NFATC3: variants seen among roughly 807,000 people sequenced by gnomAD.
The protein encoded by NFATC3 is nuclear factor of activated T-cells, cytoplasmic 3.
A neutral mutation model predicts 98.6 loss-of-function variants in NFATC3; 46 were observed. The observed-to-expected ratio is 0.47, with a 90% CI of 0.37 to 0.60. NFATC3 has a LOEUF of 0.60. NFATC3 is among the 20% of genes least tolerant of loss of function. The probability of loss-of-function intolerance (pLI) is 0.00; values close to 1 mark genes in which losing one functional copy is unlikely to be tolerated. For missense variants in NFATC3, 1,256 were observed against 1,295.5 expected (o/e 0.97, Z 0.47); for synonymous variants, 512 against 472.2 (o/e 1.08, Z -1.09).
Position 68,228,662 on chromosome 16 carries a change from CT to C in NFATC3, c.*2194del, listed in dbSNP as rs3833060. Reference sequence around the variant, plus strand: ...GGTGTTAAGAGTCAATATTTTTTGGCTTTGTAGATAAAGACTTAAATTTTTG... The same window carrying C: ...GGTGTTAAGAGTCAATATTTTTTGGCTTGTAGATAAAGACTTAAATTTTTG... On this transcript the variant is annotated 3_prime_UTR_variant, in exon 10 of 10. Transcript: ENST00000346183. 1 of 152,648 alleles carries C rather than the reference CT, an allele frequency of 6.6e-6. No homozygotes were observed. The highest frequency in any genetic ancestry group is 1.9e-4 in the East Asian group (1 of 5,192). 9.5% of individuals were successfully genotyped at this position (152,648 alleles called of 1,614,324 possible). A position where few individuals can be genotyped will look rare whatever the true frequency, so the allele number is the denominator to read the frequency against.
chr16:68,101,480 T>G (rs1473860411), intron 1 of NFATC3, among the ~76,000 whole-genome samples: 3 of 149,734 alleles, frequency 2.0e-5, no homozygotes, highest in Non-Finnish European at 3.0e-5. Context: ...AGTTTTAGGT[T>G]TTTTTTTTTG....
intron 4 of NFATC3, among the ~76,000 whole-genome samples, chr16:68,159,770 A>G (rs894865829): frequency 6.6e-6 from 1 of 151,804 alleles, no homozygotes; most frequent in South Asian, 2.1e-4. Context: ...AGGCTATTGC[A>G]AGAACAGTCC....
Position 68,194,017 on chromosome 16 carries a change from T to C in NFATC3, c.3106+2242T>C, listed in dbSNP as rs551276922. ...GTCATTTGTGTGTAAACAGAAGGTATATGTGTAAACTAGAGCAACACCTAA... is the reference window on the plus strand; with the variant it reads ...GTCATTTGTGTGTAAACAGAAGGTACATGTGTAAACTAGAGCAACACCTAA... On this transcript the variant is annotated intron_variant, in intron 9 of 9. Transcript: ENST00000346183. Among the ~76,000 whole-genome samples the C allele has an allele frequency of 2.0e-5, 3 of 152,310 alleles. No individual in the cohort carries two copies. In the South Asian group the frequency reaches 6.2e-4, roughly 32 times the overall value.
At chr16:68,161,070 G>A (rs1445022192) in intron 4 of NFATC3, among the ~76,000 whole-genome samples, 1 of 152,166 alleles carries the variant, frequency 6.6e-6, no homozygotes, top group East Asian at 1.9e-4. Context: ...AAACTTTCTT[G>A]AGGAAAAATA....
rs2036623636 is a variant in NFATC3 at position 68,122,615 on chromosome 16, T to A, written c.732T>A (p.Ser244=). The A allele has an allele frequency of 1.2e-6, 2 of 1,613,968 alleles. No individual in the cohort carries two copies. Among genetic ancestry groups the A allele is most frequent in the African/African-American group, 1.3e-5 (1 of 74,892 alleles). The change falls in exon 2 of 10, where the codon TCT becomes TCA. Residue 244 remains serine (S), a synonymous_variant. Transcript: ENST00000346183. The part of the protein sequence containing the change: ...SLSPRQSPCH[S]PRSSVTDENW... ...CACCCAGGCAATCTCCTTGCCACTC[T>A]CCTAGATCCAGTGTCACTGATGAGA...
intron 9 of NFATC3, among the ~76,000 whole-genome samples, chr16:68,219,636 CT>C (rs1187378770): frequency 2.0e-5 from 3 of 152,056 alleles, no homozygotes; most frequent in African/African-American, 7.2e-5. Flanking sequence ...GGATGAATAC[CT>C]TTAATCTTCA....
chr16:68,108,982 G>A (rs1361638807), intron 1 of NFATC3, among the ~76,000 whole-genome samples: 1 of 152,094 alleles, frequency 6.6e-6, no homozygotes, highest in African/African-American at 2.4e-5. Context: ...GCTGAGACTA[G>A]GGGGTTTTCT....
At chr16:68,163,194 C>T (rs913357668) in intron 4 of NFATC3, among the ~76,000 whole-genome samples, 1 of 152,060 alleles carries the variant, frequency 6.6e-6, no homozygotes, top group Admixed American at 6.5e-5. Context: ...ACCTTTCCCC[C>T]CTTTCTATTC....
chr16:68,185,503 A>G (rs767764646), intron 8 of NFATC3, among the ~76,000 whole-genome samples: 1 of 152,138 alleles, frequency 6.6e-6, no homozygotes, highest in African/African-American at 2.4e-5. Flanking sequence ...GGCTTTCCAG[A>G]TTGCAATAAG....
intron 1 of NFATC3, among the ~76,000 whole-genome samples, chr16:68,087,532 A>G (rs1387271892): frequency 2.6e-5 from 4 of 152,150 alleles, no homozygotes; most frequent in Admixed American, 1.3e-4. Flanking sequence ...TTAAGCAGGT[A>G]ATTTTTTTTA....
At chr16:68,217,174 G>T (rs1451904729) in intron 9 of NFATC3, among the ~76,000 whole-genome samples, 1 of 152,176 alleles carries the variant, frequency 6.6e-6, no homozygotes, top group Non-Finnish European at 1.5e-5. Flanking sequence ...GGTCATGCCT[G>T]TAATCCCAAC....
intron 3 of NFATC3, among the ~76,000 whole-genome samples, chr16:68,150,546 C>T (rs1188060209): frequency 6.6e-6 from 1 of 151,072 alleles, no homozygotes; most frequent in African/African-American, 2.4e-5. Flanking sequence ...TGTGCCATTG[C>T]ACTGTAGCTT....
At chr16:68,086,738 G>GT in intron 1 of NFATC3, 4 of 985,426 alleles carry the variant, frequency 4.1e-6, no homozygotes, top group Non-Finnish European at 4.8e-6. Context: ...TCAGTAGACT[G>GT]TTCTGTAGAG....
At chr16:68,172,007 A>G (rs1306334542) in intron 5 of NFATC3, among the ~76,000 whole-genome samples, 1 of 151,792 alleles carries the variant, frequency 6.6e-6, no homozygotes, top group African/African-American at 2.4e-5. Context: ...GACTACAGGT[A>G]CGTTCTAAGT....
intron 9 of NFATC3, among the ~76,000 whole-genome samples, chr16:68,210,850 C>T (rs370230222): frequency 2.0e-5 from 3 of 151,940 alleles, no homozygotes; most frequent in South Asian, 2.1e-4. Context: ...GGTGTGACCT[C>T]GGCTCACTGC....
intron 9 of NFATC3, among the ~76,000 whole-genome samples, chr16:68,195,470 G>A (rs894039415): frequency 3.9e-5 from 6 of 152,040 alleles, no homozygotes; most frequent in Non-Finnish European, 8.8e-5. Context: ...AGGAGTTCGA[G>A]TCCAGTCTTG....
chr16:68,209,532 CTG>C (rs1157291824), intron 9 of NFATC3: 1 of 275,174 alleles, frequency 3.6e-6, no homozygotes, highest in African/African-American at 2.2e-5. Context: ...GTGTTGAAGA[CTG>C]TCCTCACCCA....
chr16:68,150,467 A>G (rs572685346), intron 3 of NFATC3, among the ~76,000 whole-genome samples: 12 of 151,006 alleles, frequency 7.9e-5, no homozygotes, highest in African/African-American at 2.9e-4. Flanking sequence ...CTGATGTCCT[A>G]GCTACTCTAG....
chr16:68,123,524 G>A (rs1247375730), intron 2 of NFATC3, among the ~76,000 whole-genome samples: 1 of 150,690 alleles, frequency 6.6e-6, no homozygotes, highest in East Asian at 1.9e-4. Context: ...AAATTAACCA[G>A]GCATAGTGAT....
Sources: allele counts gnomAD v4.1 joint callset (sites outside exome capture counted in the v4.1 genomes callset), GRCh38; gene constraint gnomAD v4.1.1; transcripts MANE v1.5; gene names NCBI Gene and HGNC (gene_info 2026-07-23, HGNC 2026-07-21).